The following EXOC6 variants were observed in gnomAD, a reference collection of about 807,000 sequenced individuals.
EXOC6 encodes SEC15-like 1.
EXOC6 carries 60 observed loss-of-function variants against 112.5 expected under a neutral mutation model. The ratio of observed to expected loss-of-function variants is 0.53; its 90% CI spans 0.43 to 0.66. The LOEUF (loss-of-function observed/expected upper bound fraction) is 0.66, where lower values mean the gene tolerates loss of function less well. Ranked by LOEUF, EXOC6 falls within the 30% of genes least tolerant of loss-of-function variation. EXOC6 has a pLI of 0.00. For synonymous variants in EXOC6, 295 were observed against 308.0 expected, an observed-to-expected ratio of 0.96 and a Z score of 0.44; for missense variants, 855 against 957.1, an observed-to-expected ratio of 0.89 and a Z score of 1.41.
intron 20 of EXOC6, among the ~76,000 whole-genome samples, chr10:93,031,386 G>T (rs1479500191): frequency 6.6e-6 from 1 of 151,588 alleles, no homozygotes; most frequent in Non-Finnish European, 1.5e-5. Flanking sequence ...TTTTTAGTTG[G>T]TTTTTAACTT....
At chr10:93,023,835 A>C (rs1380212517) in intron 20 of EXOC6, among the ~76,000 whole-genome samples, 1 of 152,062 alleles carries the variant, frequency 6.6e-6, no homozygotes, top group African/African-American at 2.4e-5. Flanking sequence ...TTCAGTGATA[A>C]TTTTTTATAA....
intron 19 of EXOC6, among the ~76,000 whole-genome samples, chr10:93,008,327 A>G (rs1844087617): frequency 6.6e-6 from 1 of 152,380 alleles, no homozygotes; most frequent in East Asian, 1.9e-4. Flanking sequence ...CTCTTAAAAA[A>G]GAACACTTCA....
In EXOC6 at chr10:92,895,116, ATT is replaced by A. The variant is rs931598504; in HGVS notation, c.412+98_412+99del. On this transcript the variant is annotated intron_variant, in intron 4 of 21. Transcript: ENST00000260762. ...TTCTTTGGTATGGGAATTACAGATT[ATT>A]TGGTGATTGCCTCACAACAAAGACC... is the stretch of plus-strand genomic sequence containing the variant. The A allele has an allele frequency of 2.9e-5, 22 of 747,798 alleles. No individual in the cohort carries two copies. The African/African-American group carries it at 3.6e-4, about 12-fold the overall frequency. The allele number at this position is 747,798 out of a possible 1,614,324, so 46.3% of individuals were successfully genotyped here. A position where few individuals can be genotyped will look rare whatever the true frequency, so the allele number is the denominator to read the frequency against.
intron 14 of EXOC6, among the ~76,000 whole-genome samples, chr10:92,951,564 A>T (rs540226384): frequency 6.6e-6 from 1 of 152,336 alleles, no homozygotes; most frequent in East Asian, 1.9e-4. Flanking sequence ...ACTTTCACCG[A>T]TATAACAAGG....
At chr10:92,925,096 GCATGTAGTATTGTTTATTATGCTCCTTA>G (rs1851641902) in intron 8 of EXOC6, among the ~76,000 whole-genome samples, 1 of 152,054 alleles carries the variant, frequency 6.6e-6, no homozygotes, top group Admixed American at 6.5e-5. Flanking sequence ...TTAATGGAAG[GCATGTAGTATTGTTTATTATGCTCCTTA>G]CTTCATAAAA....
At chr10:93,029,911 CTTT>C (rs202117289) in intron 20 of EXOC6, among the ~76,000 whole-genome samples, 3 of 141,496 alleles carry the variant, frequency 2.1e-5, no homozygotes, top group Non-Finnish European at 1.6e-5. Flanking sequence ...TTTCTTTTTT[CTTT>C]TTTTTTTTTT....
chr10:92,841,078 T>C (rs1846833234), intron 1 of EXOC6, among the ~76,000 whole-genome samples: 1 of 152,216 alleles, frequency 6.6e-6, no homozygotes, highest in South Asian at 2.1e-4. Context: ...TAAAATCTAC[T>C]TTGAGCAATT....
At chr10:92,908,521 C>T (rs1428507998) in intron 5 of EXOC6, among the ~76,000 whole-genome samples, 5 of 152,134 alleles carry the variant, frequency 3.3e-5, no homozygotes, top group African/African-American at 9.7e-5. Context: ...AGTTCCTCTA[C>T]CTAACTCTCA....
chr10:92,896,071 G>GTA lies in EXOC6; in HGVS notation c.412+1059_412+1060dup, dbSNP rs1428818025. ...TGTATATATATGTGTATATATATGT[G>GTA]TATATATATGTGTATATATATATGT... On this transcript the variant is annotated intron_variant, in intron 4 of 21. Coordinates refer to ENST00000260762, the MANE Select transcript of EXOC6 (RefSeq NM_019053.6). Among the ~76,000 whole-genome samples the GTA allele has an allele frequency of 6.3e-3, 396 of 62,658 alleles. 12 individuals carry two copies. The highest frequency in any genetic ancestry group is 0.016 in the African/African-American group (283 of 17,360). 41.1% of individuals were successfully genotyped at this position (62,658 alleles called of 152,430 possible). A position where few individuals can be genotyped will look rare whatever the true frequency, so the allele number is the denominator to read the frequency against.
intron 1 of EXOC6, among the ~76,000 whole-genome samples, chr10:92,868,014 T>C: frequency 6.6e-6 from 1 of 152,040 alleles, no homozygotes; most frequent in East Asian, 1.9e-4. Context: ...ATTAGAAACA[T>C]TTTTTTCATT....
chr10:92,835,950 A>T (rs1846644171), intron 1 of EXOC6, among the ~76,000 whole-genome samples: 1 of 152,208 alleles, frequency 6.6e-6, no homozygotes, highest in Non-Finnish European at 1.5e-5. Flanking sequence ...AGCAATGGAA[A>T]ACTCAACAAT....
rs553907270 is a variant in EXOC6, at chr10:92,894,917, C to T, written c.322-13C>T. 13 of 1,606,570 alleles carry T rather than the reference C, an allele frequency of 8.1e-6. No individual in the cohort carries two copies. The South Asian group carries it at 1.3e-4, about 16-fold the overall frequency. On this transcript the variant is annotated splice_polypyrimidine_tract_variant and intron_variant, in intron 3 of 21. Coordinates refer to ENST00000260762, the MANE Select transcript of EXOC6 (RefSeq NM_019053.6). ...TGTTTGTTTAAAAATATGAACATTC[C>T]TTCTTTTCTAAGGTGATAGTCCACA...
intron 17 of EXOC6, among the ~76,000 whole-genome samples, chr10:92,959,785 A>G (rs1418605307): frequency 1.3e-5 from 2 of 152,230 alleles, no homozygotes; most frequent in Non-Finnish European, 2.9e-5. Context: ...TCATAAGGGA[A>G]ATGCAAATTA....
intron 18 of EXOC6, among the ~76,000 whole-genome samples, chr10:92,988,376 T>C (rs1166225181): frequency 1.3e-5 from 2 of 152,240 alleles, no homozygotes. Context: ...AACAAAATCT[T>C]ATCTAGCATT....
intron 18 of EXOC6, among the ~76,000 whole-genome samples, chr10:92,988,049 C>T (rs1843079605): frequency 2.0e-5 from 3 of 152,074 alleles, no homozygotes; most frequent in Admixed American, 2.0e-4. Context: ...TAGTTGTTAT[C>T]GTTACTTGTT....
chr10:92,897,458 A>G (rs1849885808), intron 4 of EXOC6, among the ~76,000 whole-genome samples: 1 of 152,188 alleles, frequency 6.6e-6, no homozygotes, highest in Non-Finnish European at 1.5e-5. Flanking sequence ...AGGAAAATAA[A>G]TCTTGGGACC....
intron 6 of EXOC6, among the ~76,000 whole-genome samples, chr10:92,910,038 C>T (rs1850651294): frequency 6.6e-6 from 1 of 152,184 alleles, no homozygotes; most frequent in East Asian, 1.9e-4. Context: ...GAATTAAAAA[C>T]TACTACAGTT....
intron 1 of EXOC6, among the ~76,000 whole-genome samples, chr10:92,877,067 A>G (rs1000895133): frequency 1.3e-5 from 2 of 152,196 alleles, no homozygotes; most frequent in Admixed American, 1.3e-4. Context: ...CTGAACGGGA[A>G]GGCAGGAAAC....
In EXOC6 at chr10:92,940,736, T is replaced by G. The variant is rs1852619535; in HGVS notation, c.1222T>G (p.Phe408Val). ...IFADTLQGYG[F>V]PVNRLFDLLF... is the part of the protein sequence containing the mutation. ...TTTTTTTGTATTTTAGGGTTATGGT[T>G]TTCCAGTGAACCGACTTTTTGACCT... Residue 408 changes from phenylalanine (F) to valine (V), a missense_variant, in exon 13 of 22, where the codon TTT becomes GTT. Physicochemically the swap from Phe to Val is conservative, Grantham distance 50. This residue lies in a region of EXOC6 where 450 missense variants were observed against 563.5 expected (regional missense o/e 0.80). Coordinates refer to ENST00000260762, the MANE Select transcript of EXOC6 (RefSeq NM_019053.6). The G allele has an allele frequency of 6.2e-7, 1 of 1,603,740 alleles. No individual in the cohort carries two copies.
Sources: gnomAD v4.1 joint callset for allele counts (sites outside exome capture counted in the v4.1 genomes callset) on GRCh38, gnomAD v4.1.1 for gene constraint, gnomAD v4.1.1 regional missense constraint, MANE v1.5 for transcripts, NCBI Gene and HGNC (gene_info 2026-07-23, HGNC 2026-07-21) for gene names.